SNTG1: variants seen among roughly 807,000 people sequenced by gnomAD.
SNTG1 encodes syntrophin gamma 1.
In SNTG1, 39 loss-of-function variants were observed where a neutral mutation model predicts 74.7. The ratio of observed to expected loss-of-function variants is 0.52; its 90% confidence interval spans 0.40 to 0.68. The LOEUF (loss-of-function observed/expected upper bound fraction) is 0.68, where lower values mean the gene tolerates loss of function less well. Among genes scored for constraint, SNTG1 ranks in the 30% least tolerant of loss-of-function variants. SNTG1 has a pLI of 0.00. For synonymous variants in SNTG1, 254 were observed against 217.1 expected (o/e 1.17, Z -1.49); for missense variants, 685 against 609.5 (o/e 1.12, Z -1.30).
In SNTG1 at chr8:49,912,048, G is replaced by A. The variant is rs1805624566; in HGVS notation, c.-286G>A. The A allele has an allele frequency of 6.6e-6, 1 of 152,278 alleles. No homozygotes were observed. Among genetic ancestry groups the A allele is most frequent in the African/African-American group, 2.4e-5 (1 of 41,446 alleles). 9.4% of individuals were successfully genotyped at this position (152,278 alleles called of 1,614,324 possible). A position where few individuals can be genotyped will look rare whatever the true frequency, so the allele number is the denominator to read the frequency against. On this transcript the variant is annotated 5_prime_UTR_variant, in exon 1 of 19. Transcript: ENST00000642720. ...TAAAGTCGAAGTTCTTAGAAGCTCT[G>A]AGAAATCATGGGCCGTGCGGTAGGG...
chr8:50,424,232 C>T (rs1257331026), intron 4 of SNTG1, among the ~76,000 whole-genome samples: 4 of 152,090 alleles, frequency 2.6e-5, no homozygotes, highest in African/African-American at 4.8e-5. Flanking sequence ...CAGCATCACT[C>T]CTCTCCCAGA....
intron 2 of SNTG1, among the ~76,000 whole-genome samples, chr8:50,175,083 T>G (rs948419547): frequency 2.0e-5 from 3 of 152,062 alleles, no homozygotes; most frequent in Admixed American, 6.6e-5. Context: ...TGGTGTATAT[T>G]TGCCACATTT....
chr8:50,571,773 A>G (rs1400558551), intron 12 of SNTG1, among the ~76,000 whole-genome samples: 1 of 152,180 alleles, frequency 6.6e-6, no homozygotes, highest in Non-Finnish European at 1.5e-5. Context: ...CTCACCTCCT[A>G]CCAGGCATAG....
intron 1 of SNTG1, among the ~76,000 whole-genome samples, chr8:49,937,628 C>A (rs1318885076): frequency 1.3e-5 from 2 of 152,116 alleles, no homozygotes; most frequent in African/African-American, 4.8e-5. Flanking sequence ...CTAACCACAC[C>A]ACTGGGATCT....
At chr8:50,758,396 G>A (rs2095587221) in intron 18 of SNTG1, among the ~76,000 whole-genome samples, 1 of 151,840 alleles carries the variant, frequency 6.6e-6, no homozygotes, top group South Asian at 2.1e-4. Context: ...AGGTATACAC[G>A]TGCCATGGTG....
At chr8:49,983,722 A>G (rs996609954) in intron 1 of SNTG1, among the ~76,000 whole-genome samples, 9 of 152,216 alleles carry the variant, frequency 5.9e-5, no homozygotes, top group Admixed American at 2.0e-4. Flanking sequence ...GGTGCTGTCT[A>G]CTTCACTGCC....
In SNTG1 at chr8:50,708,882, C is replaced by G; in HGVS notation, c.1192-4C>G. 1 of 1,603,136 alleles carries G rather than the reference C, an allele frequency of 6.2e-7. No homozygotes were observed. Among genetic ancestry groups the G allele is most frequent in the Non-Finnish European group, 8.5e-7 (1 of 1,170,532 alleles). On this transcript the variant is annotated splice_region_variant and splice_polypyrimidine_tract_variant and intron_variant, in intron 16 of 18. Transcript: ENST00000642720. ...AAAGTAACAATACTTTCTGTTCTAC[C>G]TAGTGCAAGACCTATGCATGTGTGC...
intron 2 of SNTG1, among the ~76,000 whole-genome samples, chr8:50,201,014 AT>A (rs1296944125): frequency 2.6e-5 from 4 of 152,160 alleles, no homozygotes; most frequent in Admixed American, 2.6e-4. Context: ...TTGTCTTTTG[AT>A]TTTTTATTTT....
intron 1 of SNTG1, among the ~76,000 whole-genome samples, chr8:49,988,296 C>T (rs1440719320): frequency 6.6e-6 from 1 of 152,096 alleles, no homozygotes; most frequent in East Asian, 1.9e-4. Flanking sequence ...GTGTCCCATA[C>T]ATATGAAATA....
intron 12 of SNTG1, among the ~76,000 whole-genome samples, chr8:50,576,194 A>G (rs1411462182): frequency 2.6e-5 from 4 of 152,180 alleles, no homozygotes; most frequent in African/African-American, 4.8e-5. Context: ...ATGATTTTGC[A>G]TATGAATTTC....
At chr8:50,065,658 C>T (rs182521858) in intron 1 of SNTG1, among the ~76,000 whole-genome samples, 1 of 152,258 alleles carries the variant, frequency 6.6e-6, no homozygotes, top group African/African-American at 2.4e-5. Flanking sequence ...CATTTAACCA[C>T]TGATCCAACA....
chr8:50,674,938 G>A (rs1255602144), intron 15 of SNTG1, among the ~76,000 whole-genome samples: 1 of 152,062 alleles, frequency 6.6e-6, no homozygotes, highest in African/African-American at 2.4e-5. Context: ...GAGTCATTAA[G>A]TAGCAGTTTG....
chr8:50,346,014 T>C (rs1287173756), intron 2 of SNTG1, among the ~76,000 whole-genome samples: 1 of 152,220 alleles, frequency 6.6e-6, no homozygotes, highest in Non-Finnish European at 1.5e-5. Context: ...TCTTCTTTCA[T>C]TCATGTCTTA....
chr8:50,105,472 CT>C (rs1025896617), intron 1 of SNTG1, among the ~76,000 whole-genome samples: 2 of 151,460 alleles, frequency 1.3e-5, no homozygotes, highest in African/African-American at 4.8e-5. Flanking sequence ...ATGTCTTCAG[CT>C]TTTTTGTTTT....
chr8:50,245,663 G>A (rs7000325), intron 2 of SNTG1, among the ~76,000 whole-genome samples: 49,583 of 151,886 alleles, frequency 0.33, 8,607 homozygotes, highest in African/African-American at 0.45. Context: ...AGCCTAAGTG[G>A]CAGAGTAAGA....
intron 1 of SNTG1, among the ~76,000 whole-genome samples, chr8:50,106,367 G>C (rs2080371330): frequency 6.6e-6 from 1 of 152,114 alleles, no homozygotes; most frequent in Non-Finnish European, 1.5e-5. Context: ...TTCCCACCAA[G>C]TCCCTCTCCC....
intron 11 of SNTG1, among the ~76,000 whole-genome samples, chr8:50,539,583 C>G (rs574125750): frequency 3.9e-5 from 6 of 152,304 alleles, no homozygotes; most frequent in African/African-American, 1.2e-4. Flanking sequence ...GGGAGAGACT[C>G]AGCTCCTTGC....
chr8:49,913,366 C>G (rs999380252), intron 1 of SNTG1, among the ~76,000 whole-genome samples: 6 of 152,212 alleles, frequency 3.9e-5, no homozygotes, highest in Admixed American at 6.5e-5. Flanking sequence ...TAAAATGGCT[C>G]TAATGCATAT....
At chr8:50,182,204 A>G (rs1003960336) in intron 2 of SNTG1, among the ~76,000 whole-genome samples, 2 of 152,200 alleles carry the variant, frequency 1.3e-5, no homozygotes, top group African/African-American at 2.4e-5. Context: ...AGAATAACAC[A>G]TATATAATAA....
Sources: gnomAD v4.1 joint callset for allele counts (sites outside exome capture counted in the v4.1 genomes callset) on GRCh38, gnomAD v4.1.1 for gene constraint, MANE v1.5 for transcripts, NCBI Gene and HGNC (gene_info 2026-07-23, HGNC 2026-07-21) for gene names.